Variants in STS observed in about 807,000 individuals in gnomAD.
STS encodes steryl-sulfatase.
A neutral mutation model predicts 26.8 loss-of-function variants in STS; 7 were observed. That is an observed-to-expected ratio of 0.26 (90% CI 0.15 to 0.49). The LOEUF is 0.49. Among genes scored for constraint, STS ranks in the 20% least tolerant of loss-of-function variants. STS has a pLI of 0.98. For synonymous variants in STS, 199 were observed against 189.4 expected (o/e 1.05, Z -0.42); for missense variants, 434 against 465.6 (o/e 0.93, Z 0.63).
At chrX:7,287,044 G>A (rs1925167445) in intron 7 of STS, among the ~76,000 whole-genome samples, 1 of 111,650 alleles carries the variant, frequency 9.0e-6, no homozygotes, top group Non-Finnish European at 1.9e-5. Flanking sequence ...GGAGGAGACA[G>A]TAGCTATGAG....
chrX:7,276,611 C>G (rs12559974), intron 7 of STS, among the ~76,000 whole-genome samples: 1 of 112,437 alleles, frequency 8.9e-6, no homozygotes, highest in Non-Finnish European at 1.9e-5. Context: ...CTTATTATCC[C>G]TTATTCTATC....
chrX:7,265,786 T>A (rs1923976572), intron 6 of STS, among the ~76,000 whole-genome samples: 1 of 112,124 alleles, frequency 8.9e-6, no homozygotes, highest in Non-Finnish European at 1.9e-5. Flanking sequence ...GATACAAAGA[T>A]TTAAAGCACA....
intron 1 of STS, among the ~76,000 whole-genome samples, chrX:7,173,282 A>G (rs1933503021): frequency 9.0e-6 from 1 of 111,521 alleles, no homozygotes; most frequent in African/African-American, 3.3e-5. Flanking sequence ...TTCTTTTTTT[A>G]TGGCTGCATA....
chrX:7,279,365 G>GTGTGTGTGTGTGTATA (rs1924730865), intron 7 of STS, among the ~76,000 whole-genome samples: 7 of 90,893 alleles, frequency 7.7e-5, no homozygotes, highest in Non-Finnish European at 1.3e-4. Flanking sequence ...GTGTATATGT[G>GTGTGTGTGTGTGTATA]TGTGTGTGTG....
chrX:7,198,756 T>G (rs1421291755), intron 2 of STS, among the ~76,000 whole-genome samples: 1 of 112,523 alleles, frequency 8.9e-6, no homozygotes, highest in Non-Finnish European at 1.9e-5. Context: ...AAAGGCAGTT[T>G]CAGATCTTTA....
chrX:7,325,537 G>T (rs1487743831), intron 9 of STS, 39 bp downstream of exon 9: 1 of 1,199,391 alleles, frequency 8.3e-7, no homozygotes, highest in Admixed American at 2.2e-5. Flanking sequence ...GTTGAGCTCT[G>T]ATTTCACAGC....
At chrX:7,238,713 T>C (rs777764534) in intron 2 of STS, among the ~76,000 whole-genome samples, 110 of 101,513 alleles carry the variant, frequency 1.1e-3, no homozygotes, top group Non-Finnish European at 1.8e-3. Context: ...ATGCCCGTAG[T>C]CCTAGCTACT....
chrX:7,295,516 G>A (rs2147128254), intron 7 of STS, among the ~76,000 whole-genome samples: 1 of 111,005 alleles, frequency 9.0e-6, no homozygotes, highest in East Asian at 2.8e-4. Flanking sequence ...ATTACATTGA[G>A]TAGAAAAATC....
chrX:7,213,082 A>G (rs1314867643), intron 2 of STS, among the ~76,000 whole-genome samples: 1 of 111,647 alleles, frequency 9.0e-6, no homozygotes, highest in Non-Finnish European at 1.9e-5. Flanking sequence ...CCATGATTAC[A>G]GGTGTGAGCC....
At position 7,349,570 on chromosome X, in the gene STS, C is replaced by T. The variant is rs1375293479; in HGVS notation, c.1364-318C>T. ...CAGGCTGGTCTCGAACTCCTGACCT[C>T]AAGTGGTCTATCTGTCTCGGCCTCC... On this transcript the variant is annotated intron_variant, in intron 10 of 10. Transcript: ENST00000674429. 3.7e-5 allele frequency among the ~76,000 whole-genome samples: 4 copies of T among 109,390 alleles called. No individual in the cohort carries two copies. The Admixed American group carries it at 3.9e-4, about 11-fold the overall frequency. 95.0% of individuals were successfully genotyped at this position (109,390 alleles called of 115,157 possible).
At chrX:7,332,796 C>G (rs1037936307) in intron 9 of STS, among the ~76,000 whole-genome samples, 1 of 111,922 alleles carries the variant, frequency 8.9e-6, no homozygotes, top group African/African-American at 3.2e-5. Context: ...AGAACTCTCT[C>G]TACGGTGTTT....
chrX:7,214,536 G>GT (rs1921160408), intron 2 of STS, among the ~76,000 whole-genome samples: 1 of 111,722 alleles, frequency 9.0e-6, no homozygotes, highest in Non-Finnish European at 1.9e-5. Context: ...TGAGAACAAG[G>GT]TATTTTTATT....
intron 2 of STS, among the ~76,000 whole-genome samples, chrX:7,225,671 G>T (rs1921769769): frequency 9.0e-6 from 1 of 111,636 alleles, no homozygotes; most frequent in African/African-American, 3.3e-5. Context: ...AGCATTTCAG[G>T]CAGAGTGAGC....
At chrX:7,213,939 C>T (rs1921133199) in intron 2 of STS, among the ~76,000 whole-genome samples, 1 of 110,428 alleles carries the variant, frequency 9.1e-6, no homozygotes, top group South Asian at 3.9e-4. Flanking sequence ...AAAAGTTAGC[C>T]AGGCATGGTG....
chrX:7,165,457 T>C (rs12849135), intron 1 of STS, among the ~76,000 whole-genome samples: 27,588 of 109,614 alleles, frequency 0.25, 2,780 homozygotes, highest in Admixed American at 0.41. Context: ...GAGGCCAGCC[T>C]GGACAACTCT....
chrX:7,158,524 A>G (rs1007275645), intron 1 of STS, among the ~76,000 whole-genome samples: 7 of 111,764 alleles, frequency 6.3e-5, no homozygotes, highest in Non-Finnish European at 1.1e-4. Context: ...TTCACATGAC[A>G]GGACCAGTGA....
intron 8 of STS, among the ~76,000 whole-genome samples, chrX:7,310,709 T>C (rs1926435857): frequency 9.0e-6 from 1 of 111,668 alleles, no homozygotes; most frequent in Non-Finnish European, 1.9e-5. Context: ...GTTGAAGACC[T>C]CCAGGGCTCT....
In STS at chrX:7,305,155, T is replaced by C; in HGVS notation, c.1053T>C (p.Ile351=). 2 of 1,210,921 alleles carry C rather than the reference T, an allele frequency of 1.7e-6. No individual in the cohort carries two copies. The highest frequency in any genetic ancestry group is 2.2e-6 in the Non-Finnish European group (2 of 894,947). Residue 351 remains isoleucine (I), a synonymous_variant, in exon 8 of 11, where the codon ATT becomes ATC. Transcript: ENST00000674429. ...HVEEVSSKGE[I]HGGSNGIYKG... is the part of the protein sequence containing the mutation. The stretch of plus-strand genomic sequence containing the variant: ...AAGAAGTGTCTTCCAAAGGAGAAAT[T>C]CATGGCGGAAGTAATGGGATCTATA...
chrX:7,226,767 G>A (rs1218749871), intron 2 of STS, among the ~76,000 whole-genome samples: 4 of 92,442 alleles, frequency 4.3e-5, no homozygotes, highest in Non-Finnish European at 8.5e-5. Context: ...TGGCTAATTT[G>A]CCTCTAGTCC....
Sources: allele counts gnomAD v4.1 joint callset (sites outside exome capture counted in the v4.1 genomes callset), GRCh38; gene constraint gnomAD v4.1.1; transcripts MANE v1.5; gene names NCBI Gene and HGNC (gene_info 2026-07-23, HGNC 2026-07-21).